The following USP6NL variants were observed in gnomAD, a reference collection of about 807,000 sequenced individuals.
The protein encoded by USP6NL is USP6 N-terminal-like protein.
A neutral mutation model predicts 61.9 loss-of-function variants in USP6NL; 26 were observed. The ratio of observed to expected loss-of-function variants is 0.42; its 90% CI spans 0.31 to 0.58. The LOEUF (loss-of-function observed/expected upper bound fraction) is 0.58. Ranked by LOEUF, USP6NL falls within the 20% of genes least tolerant of loss-of-function variation. The probability of loss-of-function intolerance (pLI) is 0.16; values close to 1 mark genes in which losing one functional copy is unlikely to be tolerated. For missense variants in USP6NL, 1,114 were observed against 1,034.3 expected (o/e 1.08, Z -1.06); for synonymous variants, 432 against 390.1 (o/e 1.11, Z -1.27).
chr10:11,562,252 A>T lies in USP6NL; in HGVS notation c.5-34685T>A. The T allele has an allele frequency of 2.2e-5, 8 of 362,252 alleles. No individual in the cohort carries two copies. Among genetic ancestry groups the T allele is most frequent in the Non-Finnish European group, 3.0e-5 (8 of 268,750 alleles). 22.4% of individuals were successfully genotyped at this position (362,252 alleles called of 1,614,324 possible). ...ACGCCAGCCTGGCGGACAGTGCAAGACTCCATCTCAAAAAAAAAAAAAAAA... is the reference window on the plus strand; with the variant it reads ...ACGCCAGCCTGGCGGACAGTGCAAGTCTCCATCTCAAAAAAAAAAAAAAAA... On this transcript the variant is annotated intron_variant, in intron 2 of 14. Coordinates refer to ENST00000609104, the MANE Select transcript of USP6NL (RefSeq NM_014688.5). The surrounding 1 kb of genome is among the most constrained non-coding windows in gnomAD (Gnocchi z 4.8).
rs1835207158 is a variant in USP6NL at position 11,521,460 on chromosome 10, A to G, written c.156-2886T>C. On this transcript the variant is annotated intron_variant, in intron 4 of 14. Coordinates refer to ENST00000609104, the MANE Select transcript of USP6NL (RefSeq NM_014688.5). Reference sequence around the variant, plus strand: ...CAACGGTGCGATCTCCGCTCACCGTAACCTCCATCTCCTGGGTTCAAGCGA... The same window carrying G: ...CAACGGTGCGATCTCCGCTCACCGTGACCTCCATCTCCTGGGTTCAAGCGA... Among the ~76,000 whole-genome samples the G allele has an allele frequency of 3.3e-5, 5 of 151,348 alleles. No individual in the cohort carries two copies. In the South Asian group the frequency reaches 1.0e-3, roughly 31 times the overall value.
chr10:11,473,630 G>A (rs540166277), intron 14 of USP6NL, among the ~76,000 whole-genome samples: 37 of 152,284 alleles, frequency 2.4e-4, no homozygotes, highest in Admixed American at 2.2e-3. Flanking sequence ...CCAGGTGGGT[G>A]TAATGCACAG....
intron 2 of USP6NL, 53 bp from the exon 3 acceptor site, chr10:11,527,620 T>G (rs1030151317): frequency 3.4e-6 from 5 of 1,488,286 alleles, no homozygotes; most frequent in African/African-American, 2.8e-5. Context: ...AATCGTAAAG[T>G]TAATTAATTA....
intron 2 of USP6NL, among the ~76,000 whole-genome samples, chr10:11,538,908 C>G (rs1835938948): frequency 6.6e-6 from 1 of 152,078 alleles, no homozygotes. Flanking sequence ...CTTCACTCTG[C>G]TCTTCATCTC....
intron 14 of USP6NL, among the ~76,000 whole-genome samples, chr10:11,477,927 AC>A (rs1483569705): frequency 6.6e-6 from 1 of 152,254 alleles, no homozygotes; most frequent in Non-Finnish European, 1.5e-5. Context: ...ATAGATGAAT[AC>A]TTTCTAGCTA....
chr10:11,569,225 T>C (rs1479632497), intron 2 of USP6NL, among the ~76,000 whole-genome samples: 2 of 152,170 alleles, frequency 1.3e-5, no homozygotes, highest in South Asian at 4.1e-4. Flanking sequence ...ACCTACAAAA[T>C]ATCTGCGATA....
rs2133662187 is a variant in USP6NL, at chr10:11,596,765, TAGA to T, written c.4+863_4+865del. On this transcript the variant is annotated intron_variant, in intron 2 of 14. Transcript: ENST00000609104. The surrounding 1 kb of genome is among the most constrained non-coding windows in gnomAD (Gnocchi z 4.1). ...CCGTTCCTTACAATATTATTCTTAG[TAGA>T]AGCACTCCAATATTTTACAACAGCA... Among the ~76,000 whole-genome samples, 1 of 152,308 alleles carries T rather than the reference TAGA, an allele frequency of 6.6e-6. No homozygotes were observed. Among genetic ancestry groups the T allele is most frequent in the East Asian group, 1.9e-4 (1 of 5,176 alleles).
chr10:11,481,962 G>C lies in USP6NL; in HGVS notation c.926-40C>G, dbSNP rs1262527912. On this transcript the variant is annotated intron_variant, in intron 13 of 14. Coordinates refer to ENST00000609104, the MANE Select transcript of USP6NL (RefSeq NM_014688.5). The surrounding 1 kb of genome is among the most constrained non-coding windows in gnomAD (Gnocchi z 4.4). ...GAGAAATGAAAATGCCAAGTCAATA[G>C]CTACTTTAGGTAGGAAGATATTCTA... 1 of 1,558,008 alleles carries C rather than the reference G, an allele frequency of 6.4e-7. No homozygotes were observed. Among genetic ancestry groups the C allele is most frequent in the African/African-American group, 1.4e-5 (1 of 73,046 alleles).
chr10:11,567,076 T>C (rs773828824), intron 2 of USP6NL, among the ~76,000 whole-genome samples: 7 of 152,246 alleles, frequency 4.6e-5, no homozygotes, highest in African/African-American at 9.6e-5. Context: ...ATCTCACCAC[T>C]GTACTCCAGC....
chr10:11,557,940 G>C (rs778601028), intron 2 of USP6NL, among the ~76,000 whole-genome samples: 11 of 152,206 alleles, frequency 7.2e-5, no homozygotes, highest in Non-Finnish European at 1.6e-4. Context: ...AAGAAACGCG[G>C]AAGGTATGAG....
chr10:11,555,351 G>A (rs1376654204), intron 2 of USP6NL, among the ~76,000 whole-genome samples: 129 of 144,240 alleles, frequency 8.9e-4, no homozygotes, highest in African/African-American at 3.0e-3. Flanking sequence ...GGAAGTGGAC[G>A]TTGCAGTGAG....
chr10:11,559,449 T>C (rs371702484), intron 2 of USP6NL, among the ~76,000 whole-genome samples: 1 of 152,134 alleles, frequency 6.6e-6, no homozygotes, highest in African/African-American at 2.4e-5. Context: ...AATTTACACA[T>C]AGGGCATCCA....
intron 6 of USP6NL, among the ~76,000 whole-genome samples, chr10:11,508,819 A>G (rs1160798517): frequency 6.6e-6 from 1 of 152,224 alleles, no homozygotes; most frequent in African/African-American, 2.4e-5. Flanking sequence ...ATTACTTGAA[A>G]GAATAAGCAA....
In USP6NL at chr10:11,595,006, T is replaced by G. The variant is rs1301078452; in HGVS notation, c.4+2625A>C. ...GGCTCACCTCCCAACTGGAGTGCTGTGTGGGTGACAGGCAGTGGCTCTAGG... is the reference window on the plus strand; with the variant it reads ...GGCTCACCTCCCAACTGGAGTGCTGGGTGGGTGACAGGCAGTGGCTCTAGG... On this transcript the variant is annotated intron_variant, in intron 2 of 14. Coordinates refer to ENST00000609104, the MANE Select transcript of USP6NL (RefSeq NM_014688.5). This position sits in a 1 kb window ranked among gnomAD's most constrained non-coding sequence, Gnocchi z 5.3. Among the ~76,000 whole-genome samples the G allele has an allele frequency of 1.3e-5, 2 of 152,162 alleles. No individual in the cohort carries two copies. The highest frequency in any genetic ancestry group is 3.9e-4 in the East Asian group (2 of 5,192).
Position 11,517,382 on chromosome 10 carries a change from C to CACTA in USP6NL, c.195+1149_195+1152dup, listed in dbSNP as rs1835001841. Among the ~76,000 whole-genome samples the CACTA allele has an allele frequency of 2.6e-5, 4 of 152,298 alleles. No homozygotes were observed. The South Asian group carries it at 8.3e-4, about 32-fold the overall frequency. On this transcript the variant is annotated intron_variant, in intron 5 of 14. Coordinates refer to ENST00000609104, the MANE Select transcript of USP6NL (RefSeq NM_014688.5). ...AGAATCTGCCTTTCCCCTCCACCTG[C>CACTA]ACTACCACTGCATTTCACATATACT...
At position 11,462,205 on chromosome 10, in the gene USP6NL, C is replaced by T. The variant is rs1227151893; in HGVS notation, c.*236G>A. On this transcript the variant is annotated 3_prime_UTR_variant, in exon 15 of 15. Transcript: ENST00000609104. ...ACCACTGTGCGTGCATCCCTAAATG[C>T]TATTGCGATGTTTCCGGGTTAAATT... The T allele has an allele frequency of 1.9e-6, 1 of 518,692 alleles. No individual in the cohort carries two copies. The allele number at this position is 518,692 out of a possible 1,614,324, so 32.1% of individuals were successfully genotyped here.
Position 11,540,204 on chromosome 10 carries a change from T to C in USP6NL, c.5-12637A>G, listed in dbSNP as rs1007079416. 6.6e-6 allele frequency among the ~76,000 whole-genome samples: 1 copy of C among 152,204 alleles called. No individual in the cohort carries two copies. Among genetic ancestry groups the C allele is most frequent in the South Asian group, 2.1e-4 (1 of 4,834 alleles). On this transcript the variant is annotated intron_variant, in intron 2 of 14. Coordinates refer to ENST00000609104, the MANE Select transcript of USP6NL (RefSeq NM_014688.5). This position sits in a 1 kb window ranked among gnomAD's most constrained non-coding sequence, Gnocchi z 5.0. ...ATTACATGAAATTGTCAATTATTTG[T>C]GCAAAATGGAGATGAATGGTATTCT...
rs1835685569 is a variant in USP6NL at position 11,532,135 on chromosome 10, A to G, written c.5-4568T>C. On this transcript the variant is annotated intron_variant, in intron 2 of 14. Coordinates refer to ENST00000609104, the MANE Select transcript of USP6NL (RefSeq NM_014688.5). This position sits in a 1 kb window ranked among gnomAD's most constrained non-coding sequence, Gnocchi z 4.1. ...TTCCTAGAGTACATTTTGACAGATG[A>G]ACGTTAAAAATATAAACAACATCAA... The G allele has an allele frequency of 7.2e-7, 1 of 1,384,406 alleles. No individual in the cohort carries two copies. The highest frequency in any genetic ancestry group is 9.9e-7 in the Non-Finnish European group (1 of 1,006,812). The allele number at this position is 1,384,406 out of a possible 1,614,324, so 85.8% of individuals were successfully genotyped here. A position where few individuals can be genotyped will look rare whatever the true frequency, so the allele number is the denominator to read the frequency against.
rs1244247941 is a variant in USP6NL, at chr10:11,562,973, T to C, written c.4+34658A>G. On this transcript the variant is annotated intron_variant, in intron 2 of 14. Transcript: ENST00000609104. The surrounding 1 kb of genome is among the most constrained non-coding windows in gnomAD (Gnocchi z 4.8). ...GACACAAAAATCTGAATGTTCATAG[T>C]AGCTTTATTTGTAATAGTAAAAAAA... Among the ~76,000 whole-genome samples, 1 of 151,990 alleles carries C rather than the reference T, an allele frequency of 6.6e-6. No homozygotes were observed. The highest frequency in any genetic ancestry group is 1.5e-5 in the Non-Finnish European group (1 of 67,994).
Sources: allele counts gnomAD v4.1 joint callset (sites outside exome capture counted in the v4.1 genomes callset), GRCh38; gene constraint gnomAD v4.1.1; non-coding constraint Gnocchi (gnomAD v3.1); transcripts MANE v1.5; gene names NCBI Gene and HGNC (gene_info 2026-07-23, HGNC 2026-07-21).